The following SHISA9 variants were observed in gnomAD, a reference collection of about 807,000 sequenced individuals.
SHISA9 encodes protein shisa-9.
Under a neutral mutation model 38.0 loss-of-function variants are expected in SHISA9, and 13 were observed. That is an observed-to-expected ratio of 0.34 (90% CI 0.22 to 0.54). SHISA9 has a LOEUF of 0.54. Among genes scored for constraint, SHISA9 ranks in the 20% least tolerant of loss-of-function variants. SHISA9 has a pLI of 0.91. For missense variants in SHISA9, 538 were observed against 575.8 expected (o/e 0.93, Z 0.67); for synonymous variants, 275 against 242.0 (o/e 1.14, Z -1.27).
chr16:13,449,179 T>C, the SHISA9 span, among the ~76,000 whole-genome samples: 11 of 152,232 alleles, frequency 7.2e-5, no homozygotes, highest in African/African-American at 1.9e-4. Flanking sequence ...CCTTAAAAAA[T>C]AGAGTATAAA....
At chr16:13,113,897 G>A (rs1446573781) in intron 2 of SHISA9, among the ~76,000 whole-genome samples, 2 of 152,178 alleles carry the variant, frequency 1.3e-5, no homozygotes, top group East Asian at 1.9e-4. Context: ...TGAGCTGGCT[G>A]GCAGGGGTCA....
the SHISA9 span, among the ~76,000 whole-genome samples, chr16:13,474,881 C>T: frequency 6.6e-6 from 1 of 152,004 alleles, no homozygotes; most frequent in Admixed American, 6.5e-5. Flanking sequence ...GCAAAAAGGT[C>T]CTGTGTGTTT....
intron 2 of SHISA9, among the ~76,000 whole-genome samples, chr16:12,970,841 G>A (rs1189484595): frequency 6.6e-6 from 1 of 151,972 alleles, no homozygotes; most frequent in African/African-American, 2.4e-5. Context: ...ATGTTTTAAA[G>A]TGGGTTCAGA....
At chr16:13,394,729 C>G in the SHISA9 span, among the ~76,000 whole-genome samples, 4 of 152,302 alleles carry the variant, frequency 2.6e-5, no homozygotes, top group East Asian at 5.8e-4. Context: ...AGTATTGTGT[C>G]ACTGCTAATA....
At chr16:13,278,861 A>G in the SHISA9 span, among the ~76,000 whole-genome samples, 1 of 152,018 alleles carries the variant, frequency 6.6e-6, no homozygotes, top group African/African-American at 2.4e-5. Context: ...TTTTTCAAAG[A>G]ACAAGATTTT....
the SHISA9 span, among the ~76,000 whole-genome samples, chr16:13,379,001 C>T: frequency 6.6e-6 from 1 of 152,280 alleles, no homozygotes; most frequent in African/African-American, 2.4e-5. Context: ...AATGGGTGAG[C>T]TTTAAGTTTC....
At position 12,916,675 on chromosome 16, in the gene SHISA9, T is replaced by C. The variant is rs1435316184; in HGVS notation, c.564-13T>C. On this transcript the variant is annotated splice_polypyrimidine_tract_variant and intron_variant, in intron 1 of 4. Transcript: ENST00000558583. The stretch of plus-strand genomic sequence containing the variant: ...GTTTTGAATGAACAGATTTAAATTC[T>C]TTCTTCTTTCAGGGCCCTTGCGGAT... 1.3e-6 allele frequency: 2 copies of C among 1,547,404 alleles called. No homozygotes were observed. Among genetic ancestry groups the C allele is most frequent in the Non-Finnish European group, 1.7e-6 (2 of 1,145,548 alleles).
At chr16:13,272,794 T>A in the SHISA9 span, among the ~76,000 whole-genome samples, 19 of 152,188 alleles carry the variant, frequency 1.2e-4, no homozygotes, top group Non-Finnish European at 2.9e-5. Context: ...GGGAAAAACC[T>A]GTTATCTTTC....
chr16:13,427,705 G>A, the SHISA9 span, among the ~76,000 whole-genome samples: 1 of 152,018 alleles, frequency 6.6e-6, no homozygotes, highest in Non-Finnish European at 1.5e-5. Flanking sequence ...GAGATGAGTA[G>A]AGACAGAGCA....
intron 2 of SHISA9, among the ~76,000 whole-genome samples, chr16:13,036,609 C>A (rs1428259337): frequency 6.6e-6 from 1 of 152,038 alleles, no homozygotes; most frequent in Non-Finnish European, 1.5e-5. Flanking sequence ...AAAATGCATG[C>A]ACTTGCATAT....
chr16:13,554,283 T>C, the SHISA9 span, among the ~76,000 whole-genome samples: 3 of 141,650 alleles, frequency 2.1e-5, no homozygotes, highest in East Asian at 4.5e-4. Flanking sequence ...AGAGGAGATC[T>C]AGTTGCTAGA....
intron 2 of SHISA9, among the ~76,000 whole-genome samples, chr16:12,949,853 T>C (rs368146822): frequency 1.1e-4 from 16 of 152,344 alleles, no homozygotes; most frequent in African/African-American, 3.8e-4. Flanking sequence ...ACATTTATTA[T>C]TTCTTTGTGT....
chr16:13,257,455 C>T, the SHISA9 span, among the ~76,000 whole-genome samples: 4 of 152,262 alleles, frequency 2.6e-5, no homozygotes, highest in Admixed American at 6.5e-5. Flanking sequence ...GGGACAATAT[C>T]GGGTATACTG....
the SHISA9 span, among the ~76,000 whole-genome samples, chr16:13,465,396 G>A: frequency 6.6e-6 from 1 of 152,314 alleles, no homozygotes; most frequent in South Asian, 2.1e-4. Flanking sequence ...CAAAGGAAAA[G>A]TCCAATAAGA....
At chr16:13,325,038 T>C in the SHISA9 span, among the ~76,000 whole-genome samples, 2 of 152,168 alleles carry the variant, frequency 1.3e-5, no homozygotes, top group South Asian at 4.1e-4. Context: ...AAGTTTCTTA[T>C]CATGTAAATA....
intron 2 of SHISA9, among the ~76,000 whole-genome samples, chr16:13,093,772 G>A (rs1298718332): frequency 6.6e-6 from 1 of 152,162 alleles, no homozygotes; most frequent in Non-Finnish European, 1.5e-5. Context: ...TCTTTACTGA[G>A]AAGGGCCTCT....
the SHISA9 span, among the ~76,000 whole-genome samples, chr16:13,326,708 A>T: frequency 3.3e-5 from 5 of 152,158 alleles, no homozygotes; most frequent in African/African-American, 1.2e-4. Flanking sequence ...GAGATGAAGC[A>T]AGGCGCCTTC....
the SHISA9 span, among the ~76,000 whole-genome samples, chr16:13,266,267 C>T: frequency 1.3e-5 from 2 of 152,124 alleles, no homozygotes; most frequent in African/African-American, 4.8e-5. Context: ...TGCTGTATTT[C>T]TAAATATGCA....
the SHISA9 span, among the ~76,000 whole-genome samples, chr16:13,362,509 G>C: frequency 1.3e-5 from 2 of 152,166 alleles, no homozygotes; most frequent in Admixed American, 6.5e-5. Flanking sequence ...GAAGAGGACA[G>C]TATTGAGAAA....
Sources: allele counts gnomAD v4.1 joint callset (sites outside exome capture counted in the v4.1 genomes callset), GRCh38; gene constraint gnomAD v4.1.1; transcripts MANE v1.5; gene names NCBI Gene and HGNC (gene_info 2026-07-23, HGNC 2026-07-21).